Variants in PLPPR1 observed in about 807,000 individuals in gnomAD.
PLPPR1 encodes phospholipid phosphatase related 1.
PLPPR1 carries 10 observed loss-of-function variants against 33.1 expected under a neutral mutation model. The observed-to-expected ratio is 0.30, with a 90% confidence interval of 0.19 to 0.51. PLPPR1 has a LOEUF of 0.51. Ranked by LOEUF, PLPPR1 falls within the 20% of genes least tolerant of loss-of-function variation. The pLI, the probability that PLPPR1 is intolerant of heterozygous loss-of-function variation, is 0.97. For synonymous variants in PLPPR1, 151 were observed against 151.0 expected, an observed-to-expected ratio of 1.00 and a Z score of 0.00; for missense variants, 304 against 408.1, an observed-to-expected ratio of 0.74 and a Z score of 2.20.
chr9:101,274,443 G>T (rs192244754), intron 3 of PLPPR1, among the ~76,000 whole-genome samples: 1 of 152,302 alleles, frequency 6.6e-6, no homozygotes, highest in Non-Finnish European at 1.5e-5. Flanking sequence ...CCTCGCAAAT[G>T]AGGGGCATTG....
intron 4 of PLPPR1, among the ~76,000 whole-genome samples, chr9:101,307,505 T>C (rs573166731): frequency 2.0e-4 from 30 of 152,268 alleles, no homozygotes; most frequent in African/African-American, 7.2e-4. Flanking sequence ...GGGTGAAAAC[T>C]GCCTCGGATG....
chr9:101,202,463 A>G (rs1016706002), intron 2 of PLPPR1, among the ~76,000 whole-genome samples: 1 of 152,190 alleles, frequency 6.6e-6, no homozygotes, highest in Non-Finnish European at 1.5e-5. Flanking sequence ...GGCTGGGGTA[A>G]TATCATTTCC....
chr9:101,286,543 G>C (rs1269812315), intron 4 of PLPPR1, among the ~76,000 whole-genome samples: 1 of 152,136 alleles, frequency 6.6e-6, no homozygotes, highest in Admixed American at 6.5e-5. Context: ...GGGTTGGGGT[G>C]GGGGAGCATC....
rs181551181 is a variant in PLPPR1 at position 101,253,250 on chromosome 9, C to T, written c.64-16630C>T. ...CTTTTTTTTTTAATTTGATAAAAGA[C>T]GAAGAATGCATTAGTGGCCAGGCAT... On this transcript the variant is annotated intron_variant, in intron 2 of 7. Coordinates refer to ENST00000374874, the MANE Select transcript of PLPPR1 (RefSeq NM_207299.2). 5.9e-5 allele frequency among the ~76,000 whole-genome samples: 9 copies of T among 151,492 alleles called. 1 individual carries two copies. Among genetic ancestry groups the T allele is most frequent in the African/African-American group, 1.7e-4 (7 of 41,286 alleles).
chr9:101,125,586 A>G, intron 1 of PLPPR1: 1 of 540,100 alleles, frequency 1.9e-6, no homozygotes, highest in Admixed American at 2.1e-5. Context: ...AACCAGAGTT[A>G]GGCCCTTGCA....
At chr9:101,236,541 C>CACACACAT (rs1364193694) in intron 2 of PLPPR1, among the ~76,000 whole-genome samples, 16 of 150,390 alleles carry the variant, frequency 1.1e-4, no homozygotes, top group African/African-American at 3.9e-4. Context: ...TAAACTCACA[C>CACACACAT]ACACACACAC....
chr9:101,199,500 C>A (rs1323029092), intron 2 of PLPPR1, among the ~76,000 whole-genome samples: 8 of 152,160 alleles, frequency 5.3e-5, no homozygotes, highest in African/African-American at 1.2e-4. Flanking sequence ...TAGAAAAATG[C>A]GGTCACTCTA....
chr9:101,176,427 G>A (rs962292476), intron 1 of PLPPR1, among the ~76,000 whole-genome samples: 7 of 152,170 alleles, frequency 4.6e-5, no homozygotes, highest in African/African-American at 1.7e-4. Flanking sequence ...GCAGTAATGA[G>A]GCACTCCTAC....
chr9:101,235,745 C>T (rs926023202), intron 2 of PLPPR1, among the ~76,000 whole-genome samples: 2 of 151,684 alleles, frequency 1.3e-5, no homozygotes, highest in African/African-American at 2.4e-5. Flanking sequence ...AGAACATAAA[C>T]CTCTCACTTA....
chr9:101,270,850 G>C (rs936949459), intron 3 of PLPPR1, among the ~76,000 whole-genome samples: 37 of 152,138 alleles, frequency 2.4e-4, no homozygotes, highest in African/African-American at 8.7e-4. Flanking sequence ...TGTGATCTTA[G>C]TTCCCATTCC....
At chr9:101,061,894 T>A (rs1398932933) in intron 1 of PLPPR1, among the ~76,000 whole-genome samples, 1 of 151,912 alleles carries the variant, frequency 6.6e-6, no homozygotes, top group Admixed American at 6.6e-5. Flanking sequence ...AATTTTGGGG[T>A]GAGAAAATCA....
At chr9:101,178,169 C>T (rs1826045138) in intron 1 of PLPPR1, among the ~76,000 whole-genome samples, 1 of 152,164 alleles carries the variant, frequency 6.6e-6, no homozygotes, top group Admixed American at 6.5e-5. Context: ...GCCTCTTTCC[C>T]CAGCCACCCA....
At chr9:101,239,013 A>C (rs981847700) in intron 2 of PLPPR1, among the ~76,000 whole-genome samples, 7 of 150,388 alleles carry the variant, frequency 4.7e-5, no homozygotes, top group African/African-American at 1.7e-4. Context: ...ACTTAACATA[A>C]TATCCTCAAG....
At chr9:101,098,573 G>A (rs551055605) in intron 1 of PLPPR1, among the ~76,000 whole-genome samples, 1 of 152,184 alleles carries the variant, frequency 6.6e-6, no homozygotes, top group South Asian at 2.1e-4. Context: ...GAGCCCCAGG[G>A]GTCATCAACA....
intron 1 of PLPPR1, among the ~76,000 whole-genome samples, chr9:101,057,412 A>G (rs1372058294): frequency 2.0e-5 from 3 of 152,206 alleles, no homozygotes; most frequent in African/African-American, 7.2e-5. Flanking sequence ...TTATTTCTCT[A>G]AAATGAATAA....
intron 2 of PLPPR1, among the ~76,000 whole-genome samples, chr9:101,199,192 G>A (rs1199379271): frequency 6.6e-6 from 1 of 152,198 alleles, no homozygotes; most frequent in African/African-American, 2.4e-5. Context: ...AGATAAAAAT[G>A]TGAAAGGAAC....
At chr9:101,232,673 C>G (rs796356205) in intron 2 of PLPPR1, among the ~76,000 whole-genome samples, 6 of 151,954 alleles carry the variant, frequency 3.9e-5, no homozygotes, top group African/African-American at 1.4e-4. Flanking sequence ...TCCCTAGTTG[C>G]CTGCCTGCTG....
chr9:101,182,954 G>C (rs117077276), intron 1 of PLPPR1, among the ~76,000 whole-genome samples: 2 of 151,430 alleles, frequency 1.3e-5, no homozygotes, highest in Admixed American at 6.6e-5. Context: ...ATCATTTCAC[G>C]CCCAGTAGAA....
intron 1 of PLPPR1, among the ~76,000 whole-genome samples, chr9:101,089,120 G>A (rs989587153): frequency 4.6e-5 from 7 of 152,094 alleles, no homozygotes; most frequent in African/African-American, 7.2e-5. Flanking sequence ...TATTAACTAT[G>A]TAGTATTTGG....
Sources: allele counts gnomAD v4.1 joint callset (sites outside exome capture counted in the v4.1 genomes callset), GRCh38; gene constraint gnomAD v4.1.1; transcripts MANE v1.5; gene names NCBI Gene and HGNC (gene_info 2026-07-23, HGNC 2026-07-21).